The following SPIN1 variants were observed in gnomAD, a reference collection of about 807,000 sequenced individuals.
SPIN1 encodes the protein spindlin 1, also known as spindlin-1.
In SPIN1, 3 loss-of-function variants were observed where a neutral mutation model predicts 26.0. That is an observed-to-expected ratio of 0.12 (90% CI 0.05 to 0.30). The LOEUF is 0.30. SPIN1 is among the 10% of genes least tolerant of loss of function. The pLI is 1.00. For synonymous variants in SPIN1, 101 were observed against 116.5 expected, an observed-to-expected ratio of 0.87 and a Z score of 0.86; for missense variants, 126 against 333.4, an observed-to-expected ratio of 0.38 and a Z score of 4.84.
At chr9:88,458,305 A>T (rs944047227) in intron 3 of SPIN1, among the ~76,000 whole-genome samples, 5 of 152,324 alleles carry the variant, frequency 3.3e-5, no homozygotes, top group African/African-American at 4.8e-5. Flanking sequence ...ACCACAGCAA[A>T]GGCTAACTCT....
At chr9:88,420,495 T>G (rs1263921064) in intron 1 of SPIN1, among the ~76,000 whole-genome samples, 2 of 152,226 alleles carry the variant, frequency 1.3e-5, no homozygotes, top group Non-Finnish European at 2.9e-5. Context: ...AGCTGAAAAG[T>G]TTAAGGTCTT....
chr9:88,422,627 T>C (rs930321728), intron 1 of SPIN1, among the ~76,000 whole-genome samples: 28 of 152,206 alleles, frequency 1.8e-4, no homozygotes, highest in Non-Finnish European at 2.9e-5. Context: ...AACTATTTAT[T>C]ACTTGCAACT....
chr9:88,427,488 A>C (rs912967317), intron 2 of SPIN1, among the ~76,000 whole-genome samples: 1 of 152,144 alleles, frequency 6.6e-6, no homozygotes, highest in Non-Finnish European at 1.5e-5. Context: ...GGTATATGAG[A>C]GCTTACTCAG....
At chr9:88,444,691 C>CT (rs1226379698) in intron 2 of SPIN1, among the ~76,000 whole-genome samples, 20,520 of 123,028 alleles carry the variant, frequency 0.17, 2,322 homozygotes, top group African/African-American at 0.29. Context: ...CTTTTCTTTT[C>CT]TTTTTTTTTT....
chr9:88,423,522 T>G (rs1827710596), intron 1 of SPIN1, among the ~76,000 whole-genome samples: 4 of 152,010 alleles, frequency 2.6e-5, no homozygotes, highest in Admixed American at 2.6e-4. Flanking sequence ...CACTCTAACC[T>G]CTGCCTCCCG....
At chr9:88,445,592 G>A (rs1393423469) in intron 2 of SPIN1, among the ~76,000 whole-genome samples, 4 of 149,544 alleles carry the variant, frequency 2.7e-5, no homozygotes, top group South Asian at 2.1e-4. Flanking sequence ...CTCTGGGCTG[G>A]AGTGCAGTGG....
intron 3 of SPIN1, among the ~76,000 whole-genome samples, chr9:88,457,210 CAT>C (rs1033717237): frequency 6.0e-4 from 91 of 152,112 alleles, no homozygotes; most frequent in African/African-American, 2.1e-3. Flanking sequence ...ATTAAAAACA[CAT>C]GTCACAAGTC....
chr9:88,466,438 G>A lies in SPIN1; in HGVS notation c.356-1934G>A, dbSNP rs552574805. On this transcript the variant is annotated intron_variant, in intron 4 of 5. Coordinates refer to ENST00000375859, the MANE Select transcript of SPIN1 (RefSeq NM_006717.3). The stretch of plus-strand genomic sequence containing the variant: ...CTCAAAGTGCTAGGATTATAGATGT[G>A]AGTCGCTGTGCCCAGCCAGTAATTT... Among the ~76,000 whole-genome samples, 151 of 152,224 alleles carry A rather than the reference G, an allele frequency of 9.9e-4. 1 individual carries two copies. Among genetic ancestry groups the A allele is most frequent in the African/African-American group, 3.5e-3 (144 of 41,540 alleles).
chr9:88,409,438 A>G lies in SPIN1; in HGVS notation c.-158-16944A>G, dbSNP rs201858031. Among the ~76,000 whole-genome samples the G allele has an allele frequency of 1.2e-4, 18 of 148,630 alleles. No homozygotes were observed. In the East Asian group the frequency reaches 3.5e-3, roughly 29 times the overall value. On this transcript the variant is annotated intron_variant, in intron 1 of 5. Transcript: ENST00000375859. ...TGAATAATTTCGGGTCTAGGATGAT[A>G]TATCCAGAGAGGATTTATGCTTATT...
intron 1 of SPIN1, chr9:88,419,069 A>G (rs1435303515): frequency 6.6e-6 from 1 of 152,202 alleles, no homozygotes; most frequent in Non-Finnish European, 1.5e-5. Flanking sequence ...AAGCCTGGAT[A>G]CTGTTAGATA....
At chr9:88,446,826 T>C (rs1220267820) in intron 2 of SPIN1, among the ~76,000 whole-genome samples, 1 of 152,242 alleles carries the variant, frequency 6.6e-6, no homozygotes, top group Non-Finnish European at 1.5e-5. Flanking sequence ...ATGTATCCTC[T>C]GTTCTTTAGC....
chr9:88,447,185 A>G (rs1359418577), intron 2 of SPIN1, among the ~76,000 whole-genome samples: 2 of 152,152 alleles, frequency 1.3e-5, no homozygotes, highest in Non-Finnish European at 2.9e-5. Flanking sequence ...TCTCACATTC[A>G]GTGAATTTTT....
rs1358752225 is a variant in SPIN1, at chr9:88,447,493, G to T, written c.53-1448G>T. On this transcript the variant is annotated intron_variant, in intron 2 of 5. Coordinates refer to ENST00000375859, the MANE Select transcript of SPIN1 (RefSeq NM_006717.3). ...TGTTGGAGTCTATTTTGGCAAGCAC[G>T]TGCTGAGCTTTTGTTCCAGGCTTCC... Among the ~76,000 whole-genome samples the T allele has an allele frequency of 2.0e-5, 3 of 152,256 alleles. No homozygotes were observed. In the South Asian group the frequency reaches 6.2e-4, roughly 32 times the overall value.
chr9:88,410,192 A>T (rs1235333805), intron 1 of SPIN1, among the ~76,000 whole-genome samples: 3 of 106,222 alleles, frequency 2.8e-5, no homozygotes, highest in Admixed American at 8.8e-5. Context: ...TGTGTGTGCA[A>T]CTTTTTTTTT....
intron 2 of SPIN1, among the ~76,000 whole-genome samples, chr9:88,442,836 T>C (rs2118105229): frequency 6.6e-6 from 1 of 152,110 alleles, no homozygotes; most frequent in African/African-American, 2.4e-5. Context: ...GAAATCTCAG[T>C]CTTAGCTGGG....
intron 3 of SPIN1, among the ~76,000 whole-genome samples, chr9:88,451,047 A>C (rs1387041453): frequency 6.6e-6 from 1 of 152,080 alleles, no homozygotes; most frequent in African/African-American, 2.4e-5. Flanking sequence ...GGACTAGAAC[A>C]ATGAGGTTTG....
intron 1 of SPIN1, chr9:88,411,609 G>A (rs138223350): frequency 3.7e-5 from 20 of 541,076 alleles, no homozygotes; most frequent in African/African-American, 3.6e-4. Flanking sequence ...GGCCTCCTGG[G>A]CTCAAGCTGT....
chr9:88,408,785 T>C (rs538411876), intron 1 of SPIN1, among the ~76,000 whole-genome samples: 1 of 150,428 alleles, frequency 6.6e-6, no homozygotes, highest in African/African-American at 2.4e-5. Context: ...GCGATTCTCC[T>C]GCCTCAGCCT....
intron 5 of SPIN1, 121 bp from the exon 6 acceptor site, chr9:88,474,957 T>G (rs1350347619): frequency 5.3e-6 from 5 of 943,114 alleles, no homozygotes; most frequent in Non-Finnish European, 7.6e-6. Flanking sequence ...AATCATGAAT[T>G]CAGGCTATTA....
Sources: allele counts gnomAD v4.1 joint callset (sites outside exome capture counted in the v4.1 genomes callset), GRCh38; gene constraint gnomAD v4.1.1; transcripts MANE v1.5; gene names NCBI Gene and HGNC (gene_info 2026-07-23, HGNC 2026-07-21).